Variants in COPE observed in about 807,000 individuals in gnomAD.
COPE encodes coatomer subunit epsilon.
Under a neutral mutation model 42.1 loss-of-function variants are expected in COPE, and 19 were observed. That is an observed-to-expected ratio of 0.45 (90% CI 0.31 to 0.66). The LOEUF (loss-of-function observed/expected upper bound fraction) is 0.66, where lower values mean the gene tolerates loss of function less well. Ranked by LOEUF, COPE falls within the 30% of genes least tolerant of loss-of-function variation. The pLI is 0.05. For missense variants in COPE, 402 were observed against 416.1 expected (o/e 0.97, Z 0.30); for synonymous variants, 195 against 181.3 (o/e 1.08, Z -0.60).
At chr19:18,906,085 C>T (rs1397214952) in intron 4 of COPE, 7 of 400,762 alleles carry the variant, frequency 1.7e-5, no homozygotes, top group Admixed American at 8.8e-5. Flanking sequence ...GCTGTGACCA[C>T]GAATTACTCG....
At chr19:18,914,441 T>C (rs1454037754) in intron 1 of COPE, among the ~76,000 whole-genome samples, 1 of 151,686 alleles carries the variant, frequency 6.6e-6, no homozygotes, top group Non-Finnish European at 1.5e-5. Flanking sequence ...CTCAGGAGGC[T>C]GAGGCAAGAG....
At chr19:18,913,693 G>A (rs1471405027) in intron 1 of COPE, among the ~76,000 whole-genome samples, 3 of 152,214 alleles carry the variant, frequency 2.0e-5, no homozygotes, top group Non-Finnish European at 4.4e-5. Context: ...TGGGCACAGT[G>A]CAGCTCAGCC....
At chr19:18,906,865 C>T in intron 4 of COPE, 95 bp downstream of exon 4, 2 of 1,385,976 alleles carry the variant, frequency 1.4e-6, no homozygotes, top group Non-Finnish European at 1.9e-6. Context: ...TTCTCTGCTC[C>T]CATGACGACA....
chr19:18,914,343 C>A (rs1170984906), intron 1 of COPE, among the ~76,000 whole-genome samples: 1 of 151,902 alleles, frequency 6.6e-6, no homozygotes. Flanking sequence ...AGTTCCAGAC[C>A]AGCCTGGCCA....
At chr19:18,913,317 A>T (rs1231754485) in intron 1 of COPE, among the ~76,000 whole-genome samples, 2 of 152,214 alleles carry the variant, frequency 1.3e-5, no homozygotes, top group African/African-American at 2.4e-5. Context: ...CACACTTAAG[A>T]AGCCAGGGTG....
At chr19:18,904,969 C>A in intron 5 of COPE, 117 bp from the exon 6 acceptor site, 1 of 986,234 alleles carries the variant, frequency 1.0e-6, no homozygotes, top group Non-Finnish European at 1.5e-6. Flanking sequence ...GCTTTGTGCT[C>A]CACTGCATGC....
intron 7 of COPE, among the ~76,000 whole-genome samples, chr19:18,900,803 C>T (rs943879777): frequency 6.6e-6 from 1 of 152,204 alleles, no homozygotes; most frequent in African/African-American, 2.4e-5. Flanking sequence ...GCAGACCTGC[C>T]ACCCCTGCAC....
rs1428985792 is a variant in COPE at position 18,900,378 on chromosome 19, T to A, written c.804+3A>T. Reference sequence around the variant, plus strand: ...TTGGCCTGGAGCCCTGGGGGCCGCTTACCTCAGGGGGCTTGCCCAGGTGCT... The same window carrying A: ...TTGGCCTGGAGCCCTGGGGGCCGCTAACCTCAGGGGGCTTGCCCAGGTGCT... On this transcript the variant is annotated splice_donor_region_variant and intron_variant, in intron 8 of 9. Coordinates refer to ENST00000262812, the MANE Select transcript of COPE (RefSeq NM_007263.4). 6.5e-7 allele frequency: 1 copy of A among 1,547,046 alleles called. No individual in the cohort carries two copies. The highest frequency in any genetic ancestry group is 1.4e-5 in the African/African-American group (1 of 72,872).
rs80345695 is a variant in COPE, at chr19:18,906,902, G to A, written c.443+58C>T. ...CCAGCGAGGCCGTGCGCAGCCTGGA[G>A]ATGTGGCAGGGGGCACTTGCCTCCC... On this transcript the variant is annotated intron_variant, in intron 4 of 9. Coordinates refer to ENST00000262812, the MANE Select transcript of COPE (RefSeq NM_007263.4). 3,840 of 1,506,960 alleles carry A rather than the reference G, an allele frequency of 2.5e-3. 87 individuals carry two copies. In the African/African-American group the frequency reaches 0.046, roughly 18 times the overall value. 93.3% of individuals were successfully genotyped at this position (1,506,960 alleles called of 1,614,324 possible).
chr19:18,906,856 T>C, intron 4 of COPE, 104 bp downstream of exon 4: 1 of 1,341,144 alleles, frequency 7.5e-7, no homozygotes, highest in Non-Finnish European at 1.0e-6. Context: ...GCACCACCTT[T>C]CTCTGCTCCC....
chr19:18,918,204 G>GAA (rs61215847), intron 1 of COPE, among the ~76,000 whole-genome samples: 2 of 113,446 alleles, frequency 1.8e-5, no homozygotes, highest in Non-Finnish European at 3.4e-5. Flanking sequence ...AAAAAAAAAA[G>GAA]AAAAGAAAAG....
At chr19:18,909,846 G>A (rs2056794202) in intron 3 of COPE, among the ~76,000 whole-genome samples, 1 of 152,238 alleles carries the variant, frequency 6.6e-6, no homozygotes, top group South Asian at 2.1e-4. Context: ...ACAAGTCCTT[G>A]GCTTTGGGGC....
chr19:18,900,848 G>A (rs2056692121), intron 7 of COPE, among the ~76,000 whole-genome samples: 1 of 152,174 alleles, frequency 6.6e-6, no homozygotes. Context: ...GACCTCGGCA[G>A]GGGACCTTGC....
In COPE at chr19:18,913,020, C is replaced by T. The variant is rs563566069; in HGVS notation, c.153G>A (p.Glu51=). 1 of 1,611,884 alleles carries T rather than the reference C, an allele frequency of 6.2e-7. No individual in the cohort carries two copies. The highest frequency in any genetic ancestry group is 8.5e-7 in the Non-Finnish European group (1 of 1,179,920). Residue 51 remains glutamate, a synonymous_variant, in exon 2 of 10, where the codon GAG becomes GAA. Transcript: ENST00000262812. ...ACGCTCTATACAGGAAGACGTCCCTCTCCACGTCTCTCTCTGGGCTTGATA... is the reference window on the plus strand; with the variant it reads ...ACGCTCTATACAGGAAGACGTCCCTTTCCACGTCTCTCTCTGGGCTTGATA... ...VKLSSPERDV[E]RDVFLYRAYL...
At chr19:18,913,069 G>T in intron 1 of COPE, 23 bp from the exon 2 acceptor site, 2 of 1,603,802 alleles carry the variant, frequency 1.2e-6, no homozygotes, top group Non-Finnish European at 1.7e-6. Context: ...ATGTGAGTCA[G>T]GACGCACAGT....
At chr19:18,915,835 C>T (rs986766130) in intron 1 of COPE, among the ~76,000 whole-genome samples, 7 of 152,320 alleles carry the variant, frequency 4.6e-5, no homozygotes, top group African/African-American at 1.2e-4. Flanking sequence ...AACAGCTGGG[C>T]GGTGCCTGCC....
chr19:18,914,045 T>C (rs2056833500), intron 1 of COPE, among the ~76,000 whole-genome samples: 1 of 152,086 alleles, frequency 6.6e-6, no homozygotes, highest in Non-Finnish European at 1.5e-5. Context: ...AGGCTGCCAT[T>C]GCCAAGAGGA....
intron 1 of COPE, 39 bp downstream of exon 1, chr19:18,919,184 C>T: frequency 6.3e-7 from 1 of 1,584,070 alleles, no homozygotes; most frequent in Non-Finnish European, 8.6e-7. Context: ...CGTCCTCCGC[C>T]TCCGCCCCCA....
Position 18,910,982 on chromosome 19 carries a change from G to A in COPE, c.279C>T (p.His93=), listed in dbSNP as rs200762688. The A allele has an allele frequency of 4.0e-5, 65 of 1,613,832 alleles. No homozygotes were observed. The African/African-American group carries it at 5.7e-4, about 14-fold the overall frequency. Reference sequence around the variant, plus strand: ...CTCTGGGGCCTCACCTCCGACTCTCGTGGGCGAGGTAGTCAGCAAACATGC... The same window carrying A: ...CTCTGGGGCCTCACCTCCGACTCTCATGGGCGAGGTAGTCAGCAAACATGC... ...AVRMFADYLA[H]ESRRDSIVAE... Residue 93 remains histidine (H), a synonymous_variant, in exon 3 of 10, where the codon CAC becomes CAT. Coordinates refer to ENST00000262812, the MANE Select transcript of COPE (RefSeq NM_007263.4).
Sources: allele counts gnomAD v4.1 joint callset (sites outside exome capture counted in the v4.1 genomes callset), GRCh38; gene constraint gnomAD v4.1.1; transcripts MANE v1.5; gene names NCBI Gene and HGNC (gene_info 2026-07-23, HGNC 2026-07-21).